The following NDUFAF6 variants were observed in gnomAD, a reference collection of about 807,000 sequenced individuals.
NDUFAF6 encodes the protein NADH dehydrogenase (ubiquinone) complex I, assembly factor 6.
NDUFAF6 carries 45 observed loss-of-function variants against 40.8 expected under a neutral mutation model. That is an observed-to-expected ratio of 1.10 (90% CI 0.87 to 1.42). NDUFAF6 has a LOEUF of 1.42. Among genes scored for constraint, NDUFAF6 ranks in the 40% most tolerant of loss-of-function variants. The pLI, the probability that NDUFAF6 is intolerant of heterozygous loss-of-function variation, is 0.00. For missense variants in NDUFAF6, 435 were observed against 418.5 expected (o/e 1.04, Z -0.34); for synonymous variants, 185 against 155.9 (o/e 1.19, Z -1.39).
intron 1 of NDUFAF6, among the ~76,000 whole-genome samples, chr8:94,896,159 C>G (rs1468596475): frequency 2.6e-5 from 4 of 152,086 alleles, no homozygotes; most frequent in Middle Eastern, 3.4e-3. Flanking sequence ...GAGCGGGGCC[C>G]GGGAACGGCA....
At chr8:95,015,232 A>G (rs567397374) in intron 2 of NDUFAF6, among the ~76,000 whole-genome samples, 1 of 152,278 alleles carries the variant, frequency 6.6e-6, no homozygotes, top group South Asian at 2.1e-4. Context: ...GAGAGGCCAT[A>G]CAGAGTGGTT....
intron 1 of NDUFAF6, 128 bp downstream of exon 1, chr8:95,025,333 C>T (rs1827974618): frequency 7.3e-6 from 7 of 955,136 alleles, no homozygotes; most frequent in African/African-American, 6.9e-5. Context: ...TCTGGGTGTG[C>T]GTTCTAGTGG....
exon 2 of NDUFAF6, chr8:94,980,885 C>G (rs1825390732): frequency 2.2e-6 from 1 of 455,668 alleles, no homozygotes; most frequent in Non-Finnish European, 4.4e-6. Context: ...CATGAAGTGT[C>G]TGGAGCTCCA....
rs200838383 is a variant in NDUFAF6, at chr8:94,902,249, T to A, written c.-936+6322T>A. 2.9e-3 allele frequency among the ~76,000 whole-genome samples: 435 copies of A among 151,254 alleles called. 4 individuals are homozygous for A. The highest frequency in any genetic ancestry group is 5.0e-3 in the Non-Finnish European group (338 of 67,706). ...GCCTGGCCAACATGATGAAACTCTATCAAAAAAACAAAAACAAAAATTAGC... is the reference window on the plus strand; with the variant it reads ...GCCTGGCCAACATGATGAAACTCTAACAAAAAAACAAAAACAAAAATTAGC... On this transcript the variant is annotated intron_variant, in intron 1 of 14. Coordinates refer to the NDUFAF6 transcript ENST00000396113.
chr8:95,073,448 G>A (rs1474508694), intron 9 of NDUFAF6, among the ~76,000 whole-genome samples: 1 of 152,164 alleles, frequency 6.6e-6, no homozygotes, highest in Non-Finnish European at 1.5e-5. Context: ...GACTGGAGGT[G>A]AAGTCGCAGG....
At chr8:94,954,094 C>T (rs565401333), upstream of NDUFAF6, among the ~76,000 whole-genome samples, 3 of 152,122 alleles carry the variant, frequency 2.0e-5, no homozygotes, top group Non-Finnish European at 2.9e-5. Flanking sequence ...GATGGAATCT[C>T]GCTTCGTCGC....
At chr8:95,076,931 C>G (rs1357021546), downstream of NDUFAF6, among the ~76,000 whole-genome samples, 1 of 151,540 alleles carries the variant, frequency 6.6e-6, no homozygotes, top group Non-Finnish European at 1.5e-5. Context: ...AGGTCCTAAC[C>G]CTCAGTACCT....
At position 95,043,476 on chromosome 8, in the gene NDUFAF6, G is replaced by A. The variant is rs143284364; in HGVS notation, c.477+1850G>A. On this transcript the variant is annotated intron_variant, in intron 4 of 8. Transcript: ENST00000396124. ...ACTAAAAGAAAAAAATTATTTGCCA[G>A]TTATATATCTGATAAGGGACAATTA... 5.2e-3 allele frequency among the ~76,000 whole-genome samples: 787 copies of A among 152,070 alleles called. 6 individuals carry two copies. The highest frequency in any genetic ancestry group is 0.018 in the African/African-American group (747 of 41,476).
intron 6 of NDUFAF6, 67 bp downstream of exon 6, chr8:95,047,194 C>T (rs1471702481): frequency 1.9e-6 from 3 of 1,606,074 alleles, no homozygotes; most frequent in East Asian, 2.2e-5. Context: ...TTATCTTTTG[C>T]TTTTTTGCTT....
chr8:94,976,206 A>AC (rs1418434983), intron 1 of NDUFAF6, among the ~76,000 whole-genome samples: 14 of 74,868 alleles, frequency 1.9e-4, no homozygotes, highest in Non-Finnish European at 3.4e-4. Context: ...AAAAAAAAAA[A>AC]AAAATACTGA....
At chr8:94,940,882 T>G in intron 1 of NDUFAF6, 3 of 1,613,942 alleles carry the variant, frequency 1.9e-6, no homozygotes, top group Non-Finnish European at 2.5e-6. Flanking sequence ...TGAATTCTGG[T>G]TCTTGGTTGG....
intron 1 of NDUFAF6, among the ~76,000 whole-genome samples, chr8:95,026,066 G>A (rs1366250090): frequency 6.6e-6 from 1 of 152,128 alleles, no homozygotes. Context: ...AAACTACCTT[G>A]AAGTTGATCA....
chr8:95,012,280 T>C (rs1704729001), intron 2 of NDUFAF6, among the ~76,000 whole-genome samples: 1 of 152,200 alleles, frequency 6.6e-6, no homozygotes, highest in Non-Finnish European at 1.5e-5. Flanking sequence ...AAAACCCTTA[T>C]GTAAGTAAGG....
chr8:95,072,307 C>T (rs1832894095), intron 9 of NDUFAF6, among the ~76,000 whole-genome samples: 1 of 152,180 alleles, frequency 6.6e-6, no homozygotes. Flanking sequence ...TCCTTTGTTT[C>T]ATTCCCTAAA....
intron 1 of NDUFAF6, among the ~76,000 whole-genome samples, chr8:94,934,389 A>T (rs1015497947): frequency 2.0e-4 from 29 of 143,396 alleles, no homozygotes; most frequent in African/African-American, 6.1e-4. Flanking sequence ...TATAAATTCT[A>T]TTTTTTTTTT....
At chr8:95,027,153 T>C (rs1828252223) in intron 1 of NDUFAF6, among the ~76,000 whole-genome samples, 1 of 152,234 alleles carries the variant, frequency 6.6e-6, no homozygotes, top group Admixed American at 6.5e-5. Flanking sequence ...GGTCAGTTAC[T>C]TAAACTGTCC....
chr8:95,081,939 A>G (rs917343040), intron 2 of NDUFAF6, among the ~76,000 whole-genome samples: 1 of 152,116 alleles, frequency 6.6e-6, no homozygotes, highest in African/African-American at 2.4e-5. Context: ...GGTGGCGGGC[A>G]CCTGTAATCC....
At chr8:94,974,920 T>C (rs1313212805) in intron 1 of NDUFAF6, 2 of 152,226 alleles carry the variant, frequency 1.3e-5, no homozygotes, top group South Asian at 4.1e-4. Flanking sequence ...TGTCCAAGGG[T>C]CAACCTGAGA....
intron 2 of NDUFAF6, among the ~76,000 whole-genome samples, chr8:95,081,706 A>G (rs895678866): frequency 2.0e-5 from 3 of 152,254 alleles, no homozygotes; most frequent in Non-Finnish European, 2.9e-5. Context: ...AAAGAAAAGC[A>G]TAATGTTTTT....
Sources: gnomAD v4.1 joint callset for allele counts (sites outside exome capture counted in the v4.1 genomes callset) on GRCh38, gnomAD v4.1.1 for gene constraint, MANE v1.5 for transcripts, NCBI Gene and HGNC (gene_info 2026-07-23, HGNC 2026-07-21) for gene names.